Variants in LRRC61 observed in about 807,000 individuals in gnomAD.
LRRC61 encodes leucine rich repeat containing 61, also known as leucine-rich repeat-containing protein 61.
In LRRC61, 9 loss-of-function variants were observed where a neutral mutation model predicts 15.1. The observed-to-expected ratio is 0.60, with a 90% CI of 0.36 to 1.04. The LOEUF is 1.04. Ranked by LOEUF, LRRC61 falls within the 50% of genes least tolerant of loss-of-function variation. LRRC61 has a pLI of 0.01. For missense variants in LRRC61, 344 were observed against 335.6 expected (o/e 1.03, Z -0.20); for synonymous variants, 173 against 158.6 (o/e 1.09, Z -0.68).
At position 150,330,492 on chromosome 7, in the gene LRRC61, G is replaced by C. The variant is rs766689528; in HGVS notation, c.-145+4482G>C. ...CTACCTGCACATCTTCCTGGAGCAG[G>C]TTCACACACACTTTCAGGAGCAGAG... On this transcript the variant is annotated intron_variant, in intron 2 of 2. Coordinates refer to ENST00000359623, the MANE Select transcript of LRRC61 (RefSeq NM_001142928.2). This position sits in a 1 kb window ranked among gnomAD's most constrained non-coding sequence, Gnocchi z 4.6. 2.6e-6 allele frequency: 2 copies of C among 780,236 alleles called. No individual in the cohort carries two copies. The highest frequency in any genetic ancestry group is 2.7e-5 in the South Asian group (2 of 74,588). 48.3% of individuals were successfully genotyped at this position (780,236 alleles called of 1,614,324 possible). A position where few individuals can be genotyped will look rare whatever the true frequency, so the allele number is the denominator to read the frequency against.
chr7:150,311,710 G>A, the LRRC61 span, among the ~76,000 whole-genome samples: 1 of 152,104 alleles, frequency 6.6e-6, no homozygotes, highest in Non-Finnish European at 1.5e-5. Flanking sequence ...TTTATTGATG[G>A]CAGTTCCTCT....
At chr7:150,319,198 GCTT>G (rs1203250530), upstream of LRRC61, among the ~76,000 whole-genome samples, 1 of 147,600 alleles carries the variant, frequency 6.8e-6, no homozygotes, top group East Asian at 2.1e-4. Flanking sequence ...TTGTAAAATT[GCTT>G]CTTCTTTTTT....
intron 2 of LRRC61, chr7:150,334,083 T>C (rs1798203216): frequency 3.0e-6 from 3 of 985,374 alleles, no homozygotes; most frequent in Non-Finnish European, 2.4e-6. Flanking sequence ...CTGTAAACCA[T>C]GTTCCTGGTG....
rs1798175352 is a variant in LRRC61, at chr7:150,333,352, GT to G, written c.-144-3364del. On this transcript the variant is annotated intron_variant, in intron 2 of 2. Coordinates refer to ENST00000359623, the MANE Select transcript of LRRC61 (RefSeq NM_001142928.2). This position sits in a 1 kb window ranked among gnomAD's most constrained non-coding sequence, Gnocchi z 4.3. Reference sequence around the variant, plus strand: ...CAAGTGGGGTAAGGGGAGTGGTTCTGTTGGTGTCTAGTGGACAAAGGCCAGG... The same window carrying G: ...CAAGTGGGGTAAGGGGAGTGGTTCTGTGGTGTCTAGTGGACAAAGGCCAGG... 6.6e-6 allele frequency among the ~76,000 whole-genome samples: 1 copy of G among 152,194 alleles called. No homozygotes were observed. Among genetic ancestry groups the G allele is most frequent in the South Asian group, 2.1e-4 (1 of 4,826 alleles).
At position 150,337,338 on chromosome 7, in the gene LRRC61, C is replaced by T. The variant is rs1232224486; in HGVS notation, c.477C>T (p.Val159=). The change falls in exon 3 of 3, where the codon GTC becomes GTT. Residue 159 remains valine, a synonymous_variant. Transcript: ENST00000359623. ...AVRELLPGLK[V]IDGERVIGRG... ...GGGAGCTGCTGCCTGGCCTGAAAGT[C>T]ATCGACGGTGAGCGTGTGATTGGGC... is the stretch of plus-strand genomic sequence containing the variant. The T allele has an allele frequency of 1.2e-6, 2 of 1,604,304 alleles. No homozygotes were observed. The highest frequency in any genetic ancestry group is 1.7e-6 in the Non-Finnish European group (2 of 1,179,932).
chr7:150,335,219 GC>G lies in LRRC61; in HGVS notation c.-144-1497del, dbSNP rs1293866359. Among the ~76,000 whole-genome samples the G allele has an allele frequency of 2.0e-5, 3 of 152,164 alleles. No individual in the cohort carries two copies. The highest frequency in any genetic ancestry group is 4.4e-5 in the Non-Finnish European group (3 of 68,032). The stretch of plus-strand genomic sequence containing the variant: ...TCCTCCTGCACCCCCCACGTTAGGG[GC>G]CAGAGCAGCTTTAATCAAATGCAAA... On this transcript the variant is annotated intron_variant, in intron 2 of 2. Coordinates refer to ENST00000359623, the MANE Select transcript of LRRC61 (RefSeq NM_001142928.2). The surrounding 1 kb of genome is among the most constrained non-coding windows in gnomAD (Gnocchi z 4.3).
chr7:150,328,473 A>G (rs937843000), intron 2 of LRRC61, among the ~76,000 whole-genome samples: 1 of 152,232 alleles, frequency 6.6e-6, no homozygotes, highest in African/African-American at 2.4e-5. Flanking sequence ...TACAAAGTCC[A>G]GACAGATACA....
chr7:150,315,141 TTTA>T, the LRRC61 span, among the ~76,000 whole-genome samples: 1 of 147,964 alleles, frequency 6.8e-6, no homozygotes, highest in Non-Finnish European at 1.5e-5. Flanking sequence ...ATAAATAATA[TTTA>T]TTATTATTTT....
intron 2 of LRRC61, among the ~76,000 whole-genome samples, chr7:150,326,547 G>A (rs1036992789): frequency 2.0e-5 from 3 of 152,040 alleles, no homozygotes; most frequent in Admixed American, 2.0e-4. Flanking sequence ...GCTGGGTGTG[G>A]TGGTGCACAT....
chr7:150,318,141 C>T, the LRRC61 span, among the ~76,000 whole-genome samples: 5 of 152,248 alleles, frequency 3.3e-5, no homozygotes, highest in Admixed American at 1.3e-4. Flanking sequence ...AAAGCTATGA[C>T]GGTGAAAAGC....
chr7:150,315,498 G>A, the LRRC61 span, among the ~76,000 whole-genome samples: 3 of 152,156 alleles, frequency 2.0e-5, no homozygotes, highest in Admixed American at 2.0e-4. Context: ...CAGGATGGAA[G>A]AAGTAAAAAA....
upstream of LRRC61, among the ~76,000 whole-genome samples, chr7:150,321,741 A>AAAAAAT (rs1041091855): frequency 1.3e-5 from 2 of 152,224 alleles, no homozygotes; most frequent in Non-Finnish European, 2.9e-5. Context: ...CTCCATCTCA[A>AAAAAAT]AAAAATAAAA....
upstream of LRRC61, among the ~76,000 whole-genome samples, chr7:150,322,312 G>C (rs1370336280): frequency 1.3e-5 from 2 of 152,238 alleles, no homozygotes; most frequent in Non-Finnish European, 2.9e-5. Flanking sequence ...CACAGGATGA[G>C]ACAGAAGGTT....
In LRRC61 at chr7:150,330,805, C is replaced by T; in HGVS notation, c.-145+4795C>T. 1.2e-6 allele frequency: 2 copies of T among 1,611,600 alleles called. No individual in the cohort carries two copies. Among genetic ancestry groups the T allele is most frequent in the Non-Finnish European group, 1.7e-6 (2 of 1,178,602 alleles). ...CCCAGGGGTCTGTGCGTGGACCCCA[C>T]CAGGGTAGCCAAGAGCTCCGGGGTG... On this transcript the variant is annotated intron_variant, in intron 2 of 2. Transcript: ENST00000359623. This position sits in a 1 kb window ranked among gnomAD's most constrained non-coding sequence, Gnocchi z 4.6.
At chr7:150,319,395 C>T (rs1469143816), upstream of LRRC61, among the ~76,000 whole-genome samples, 1 of 152,046 alleles carries the variant, frequency 6.6e-6, no homozygotes, top group South Asian at 2.1e-4. Flanking sequence ...TTAGTAGAAA[C>T]GGGGTTTCTC....
the LRRC61 span, among the ~76,000 whole-genome samples, chr7:150,312,764 A>G: frequency 6.6e-6 from 1 of 152,234 alleles, no homozygotes; most frequent in African/African-American, 2.4e-5. Flanking sequence ...AAAAACCGAT[A>G]TTTTCTTCAT....
chr7:150,319,818 C>T (rs1797312677), upstream of LRRC61, among the ~76,000 whole-genome samples: 1 of 152,190 alleles, frequency 6.6e-6, no homozygotes, highest in African/African-American at 2.4e-5. Context: ...GCAAACAGGG[C>T]AAACAGGGAT....
At chr7:150,313,920 G>A in the LRRC61 span, among the ~76,000 whole-genome samples, 1 of 152,194 alleles carries the variant, frequency 6.6e-6, no homozygotes, top group African/African-American at 2.4e-5. Context: ...AAGGGACTTG[G>A]GGACTGTGAA....
chr7:150,324,178 G>A (rs1239433288), intron 1 of LRRC61, among the ~76,000 whole-genome samples: 1 of 152,184 alleles, frequency 6.6e-6, no homozygotes, highest in Non-Finnish European at 1.5e-5. Flanking sequence ...TGTGGAGGAA[G>A]ATGAGACTTG....
Sources: gnomAD v4.1 joint callset for allele counts (sites outside exome capture counted in the v4.1 genomes callset) on GRCh38, gnomAD v4.1.1 for gene constraint, Gnocchi (gnomAD v3.1) non-coding constraint, MANE v1.5 for transcripts, NCBI Gene and HGNC (gene_info 2026-07-23, HGNC 2026-07-21) for gene names.